The following KAZN variants were observed in gnomAD, a reference collection of about 807,000 sequenced individuals.
The protein encoded by KAZN is kazrin, periplakin interacting protein, also known as kazrin.
Under a neutral mutation model 87.4 loss-of-function variants are expected in KAZN, and 40 were observed. That is an observed-to-expected ratio of 0.46 (90% CI 0.36 to 0.60). KAZN has a LOEUF of 0.60. Ranked by LOEUF, KAZN falls within the 20% of genes least tolerant of loss-of-function variation. The pLI, the probability that KAZN is intolerant of heterozygous loss-of-function variation, is 0.00. For synonymous variants in KAZN, 466 were observed against 458.3 expected (o/e 1.02, Z -0.22); for missense variants, 898 against 1,073.9 (o/e 0.84, Z 2.29).
intron 1 of KAZN, among the ~76,000 whole-genome samples, chr1:14,803,035 A>G (rs1310769554): frequency 6.6e-6 from 1 of 152,216 alleles, no homozygotes; most frequent in East Asian, 1.9e-4. Flanking sequence ...TCATGAAGAC[A>G]GAGTTACATT....
At chr1:13,963,756 G>GGTGTGTGTGTGT (rs1185808187) in intron 1 of KAZN, among the ~76,000 whole-genome samples, 1 of 117,040 alleles carries the variant, frequency 8.5e-6, no homozygotes, top group African/African-American at 3.2e-5. Flanking sequence ...TTTCTGCTGT[G>GGTGTGTGTGTGT]GTCTGTGTGT....
Position 14,184,282 on chromosome 1 carries a change from T to C in KAZN, c.249+3690T>C, listed in dbSNP as rs979978456. 6.6e-6 allele frequency among the ~76,000 whole-genome samples: 1 copy of C among 151,708 alleles called. No individual in the cohort carries two copies. The highest frequency in any genetic ancestry group is 1.5e-5 in the Non-Finnish European group (1 of 67,912). ...CAGCATCTCTCCTCCTCCCCTCCTA[T>C]TTTCTCCTTCTCTCAAATCTATTCC... On this transcript the variant is annotated intron_variant, in intron 2 of 16. Transcript: ENST00000636203. The surrounding 1 kb of genome is among the most constrained non-coding windows in gnomAD (Gnocchi z 4.2).
chr1:15,078,509 T>A (rs1036177209), intron 8 of KAZN, among the ~76,000 whole-genome samples: 1 of 152,178 alleles, frequency 6.6e-6, no homozygotes, highest in Non-Finnish European at 1.5e-5. Context: ...GATTAAACTG[T>A]GAGCTGTTAG....
intron 2 of KAZN, among the ~76,000 whole-genome samples, chr1:15,023,353 C>T (rs891615617): frequency 2.0e-5 from 3 of 152,054 alleles, no homozygotes; most frequent in African/African-American, 7.2e-5. Flanking sequence ...GAAGGGTGTC[C>T]AGGGAAGAGG....
At chr1:14,518,178 C>CTTTTTT (rs141321203) in intron 2 of KAZN, among the ~76,000 whole-genome samples, 6 of 91,302 alleles carry the variant, frequency 6.6e-5, no homozygotes, top group South Asian at 3.8e-4. Flanking sequence ...TTTTTGAAGG[C>CTTTTTT]TTTTTTTTTT....
Position 13,910,155 on chromosome 1 carries a change from C to G in KAZN, c.91+16399C>G, listed in dbSNP as rs190624239. Among the ~76,000 whole-genome samples the G allele has an allele frequency of 2.3e-3, 352 of 152,262 alleles. 1 individual carries two copies. The highest frequency in any genetic ancestry group is 8.2e-3 in the African/African-American group (339 of 41,556). On this transcript the variant is annotated intron_variant, in intron 1 of 16. Transcript: ENST00000636203. Reference sequence around the variant, plus strand: ...AAAGGCAAGTTCTTATGGTTTAACACTATCCTCCTTGATGCTGCTGCGGCG... The same window carrying G: ...AAAGGCAAGTTCTTATGGTTTAACAGTATCCTCCTTGATGCTGCTGCGGCG...
intron 2 of KAZN, among the ~76,000 whole-genome samples, chr1:14,967,365 G>A (rs961319245): frequency 6.6e-5 from 10 of 152,044 alleles, no homozygotes; most frequent in South Asian, 2.1e-4. Context: ...TCACTCTTCC[G>A]CCTGCTTCAG....
chr1:14,853,673 T>TG (rs1649732357), intron 1 of KAZN, among the ~76,000 whole-genome samples: 3 of 152,218 alleles, frequency 2.0e-5, no homozygotes, highest in African/African-American at 7.2e-5. Flanking sequence ...TGCAACTTAG[T>TG]GATAGCCCCA....
chr1:13,915,109 A>T (rs1210516356), intron 1 of KAZN, among the ~76,000 whole-genome samples: 1 of 152,218 alleles, frequency 6.6e-6, no homozygotes, highest in Non-Finnish European at 1.5e-5. Context: ...ACACACATGC[A>T]TGTGTATACG....
chr1:14,928,866 C>A (rs1350855528), intron 1 of KAZN, among the ~76,000 whole-genome samples: 1 of 152,206 alleles, frequency 6.6e-6, no homozygotes, highest in Non-Finnish European at 1.5e-5. Flanking sequence ...TGTGGTCCGG[C>A]ACCCTCTGCC....
intron 1 of KAZN, among the ~76,000 whole-genome samples, chr1:14,767,306 T>G (rs970941652): frequency 1.3e-5 from 2 of 152,176 alleles, no homozygotes; most frequent in African/African-American, 4.8e-5. Flanking sequence ...GTTTTTCACC[T>G]GAGCTGAAGG....
chr1:15,060,139 A>G (rs1367985812), intron 5 of KAZN, 33 bp from the exon 6 acceptor site: 3 of 1,613,274 alleles, frequency 1.9e-6, no homozygotes, highest in Admixed American at 1.7e-5. Flanking sequence ...CGTTCTCTCC[A>G]TCCCTCACTC....
At chr1:14,581,989 C>T (rs561063252) in intron 2 of KAZN, among the ~76,000 whole-genome samples, 9 of 152,252 alleles carry the variant, frequency 5.9e-5, no homozygotes, top group Non-Finnish European at 1.0e-4. Flanking sequence ...ATGTCTACCT[C>T]GTACCACCCA....
intron 1 of KAZN, among the ~76,000 whole-genome samples, chr1:14,907,986 C>T (rs1656802421): frequency 6.6e-6 from 1 of 152,244 alleles, no homozygotes; most frequent in Admixed American, 6.5e-5. Flanking sequence ...TAGGTCATAG[C>T]TTCTGAGCAC....
At chr1:14,514,340 AT>A (rs1215956660) in intron 2 of KAZN, among the ~76,000 whole-genome samples, 1 of 32,548 alleles carries the variant, frequency 3.1e-5, no homozygotes, top group Non-Finnish European at 5.5e-5. Flanking sequence ...ATTTATATAT[AT>A]ATTTATATAT....
rs115817981 is a variant in KAZN, at chr1:14,031,785, C to T, written c.91+138029C>T. The stretch of plus-strand genomic sequence containing the variant: ...CAAGGGCAGGAGGATTGACAGCATT[C>T]GATTCAGATGAAGAAACAGGTATTC... On this transcript the variant is annotated intron_variant, in intron 1 of 16. Coordinates refer to the KAZN transcript ENST00000636203. 9.0e-3 allele frequency among the ~76,000 whole-genome samples: 1,370 copies of T among 152,260 alleles called. 29 individuals carry two copies. Among genetic ancestry groups the T allele is most frequent in the African/African-American group, 0.031 (1,307 of 41,528 alleles).
At chr1:13,898,503 C>T (rs193060674) in intron 1 of KAZN, among the ~76,000 whole-genome samples, 257 of 152,320 alleles carry the variant, frequency 1.7e-3, no homozygotes, top group Non-Finnish European at 2.9e-3. Flanking sequence ...TTGCTTGACC[C>T]AAACAACTAA....
chr1:14,016,192 G>A (rs1640563186), intron 1 of KAZN, among the ~76,000 whole-genome samples: 1 of 152,006 alleles, frequency 6.6e-6, no homozygotes, highest in South Asian at 2.1e-4. Flanking sequence ...GCCAAAGCCT[G>A]GTGTTAAATA....
chr1:14,829,141 G>T (rs1646983483), intron 1 of KAZN, among the ~76,000 whole-genome samples: 1 of 152,198 alleles, frequency 6.6e-6, no homozygotes, highest in African/African-American at 2.4e-5. Context: ...CCTGGAAATT[G>T]AGTAGACAGC....
Sources: gnomAD v4.1 joint callset for allele counts (sites outside exome capture counted in the v4.1 genomes callset) on GRCh38, gnomAD v4.1.1 for gene constraint, Gnocchi (gnomAD v3.1) non-coding constraint, MANE v1.5 for transcripts, NCBI Gene and HGNC (gene_info 2026-07-23, HGNC 2026-07-21) for gene names.